The following AKAP6 variants were observed in gnomAD, a reference collection of about 807,000 sequenced individuals.
AKAP6 encodes A-kinase anchor protein 6.
AKAP6 carries 58 observed loss-of-function variants against 188.5 expected under a neutral mutation model. The ratio of observed to expected loss-of-function variants is 0.31; its 90% CI spans 0.25 to 0.38. The LOEUF (loss-of-function observed/expected upper bound fraction) is 0.38. AKAP6 is among the 10% of genes least tolerant of loss of function. The pLI, the probability that AKAP6 is intolerant of heterozygous loss-of-function variation, is 1.00. For synonymous variants in AKAP6, 989 were observed against 998.6 expected (o/e 0.99, Z 0.18); for missense variants, 2,710 against 2,740.0 (o/e 0.99, Z 0.24).
intron 1 of AKAP6, among the ~76,000 whole-genome samples, chr14:32,430,369 T>C (rs978000896): frequency 2.0e-5 from 3 of 152,118 alleles, no homozygotes; most frequent in African/African-American, 7.2e-5. Flanking sequence ...GCTTAGTGCG[T>C]GGACTGATGG....
chr14:32,375,621 C>T (rs576943470), intron 1 of AKAP6, among the ~76,000 whole-genome samples: 5 of 152,126 alleles, frequency 3.3e-5, no homozygotes, highest in Non-Finnish European at 4.4e-5. Context: ...AAGGGAATCA[C>T]CCCAGATGGA....
intron 11 of AKAP6, among the ~76,000 whole-genome samples, chr14:32,747,541 C>T (rs1467923581): frequency 6.6e-6 from 1 of 152,158 alleles, no homozygotes; most frequent in Non-Finnish European, 1.5e-5. Flanking sequence ...TATTCATCAA[C>T]AGTCTTTTAT....
chr14:32,822,551 T>C lies in AKAP6; in HGVS notation c.4738T>C (p.Leu1580=), dbSNP rs752234827. The change falls in exon 13 of 14, where the codon TTG becomes CTG. Residue 1580 remains leucine, a synonymous_variant. Transcript: ENST00000280979. ...TTCTCCAGGGGGTGATTTATTTGGATTGGGCATCTTTAAAAATGGCAGTGA... is the reference window on the plus strand; with the variant it reads ...TTCTCCAGGGGGTGATTTATTTGGACTGGGCATCTTTAAAAATGGCAGTGA... ...SLSPGGDLFG[L]GIFKNGSDSL... is the part of the protein sequence containing the mutation. The C allele has an allele frequency of 6.2e-7, 1 of 1,614,032 alleles. No individual in the cohort carries two copies. Among genetic ancestry groups the C allele is most frequent in the South Asian group, 1.1e-5 (1 of 91,074 alleles).
intron 4 of AKAP6, among the ~76,000 whole-genome samples, chr14:32,571,260 G>T (rs922172939): frequency 1.3e-5 from 2 of 150,938 alleles, no homozygotes; most frequent in Non-Finnish European, 2.9e-5. Context: ...GCAGTGGCTC[G>T]TGCCTGTGAT....
At chr14:32,798,541 C>T (rs2033844128) in intron 12 of AKAP6, among the ~76,000 whole-genome samples, 1 of 152,060 alleles carries the variant, frequency 6.6e-6, no homozygotes, top group South Asian at 2.1e-4. Flanking sequence ...ACTATGCAGC[C>T]ATAAAAAAGA....
Position 32,599,425 on chromosome 14 carries a change from G to A in AKAP6, c.2485G>A (p.Val829Ile), listed in dbSNP as rs770528033. 3 of 1,612,774 alleles carry A rather than the reference G, an allele frequency of 1.9e-6. No homozygotes were observed. The highest frequency in any genetic ancestry group is 4.5e-5 in the East Asian group (2 of 44,850). Residue 829 changes from valine (V) to isoleucine (I), a missense_variant, in exon 6 of 14, where the codon GTA (valine) becomes ATA (isoleucine). Val to Ile is a conservative substitution (Grantham distance 29). Transcript: ENST00000280979. Reference sequence around the variant, plus strand: ...TTCCTTGCAGAGTTTTAAGTTGAATGTAGACAGTCATTGTGCTCTCAAGGA... The same window carrying A: ...TTCCTTGCAGAGTTTTAAGTTGAATATAGACAGTCATTGTGCTCTCAAGGA... ...LETHLSFKLN[V>I]DSHCALKEAV...
chr14:32,388,480 G>A (rs1295039844), intron 1 of AKAP6, among the ~76,000 whole-genome samples: 1 of 151,942 alleles, frequency 6.6e-6, no homozygotes, highest in Non-Finnish European at 1.5e-5. Flanking sequence ...TTTTGATGTA[G>A]GTGTTTAGGG....
At position 32,806,587 on chromosome 14, in the gene AKAP6, G is replaced by A. The variant is rs560610967; in HGVS notation, c.3589-14815G>A. 1.6e-4 allele frequency among the ~76,000 whole-genome samples: 24 copies of A among 152,272 alleles called. No homozygotes were observed. In the South Asian group the frequency reaches 4.6e-3, roughly 29 times the overall value. ...AGCTACTCAGAAGGCTGAGGTGGGA[G>A]GATTGCTTGAGTCTGGGAGGCAGAG... On this transcript the variant is annotated intron_variant, in intron 12 of 13. Coordinates refer to ENST00000280979, the MANE Select transcript of AKAP6 (RefSeq NM_004274.5).
intron 5 of AKAP6, among the ~76,000 whole-genome samples, chr14:32,590,298 C>T (rs780268248): frequency 2.7e-5 from 4 of 149,804 alleles, no homozygotes; most frequent in African/African-American, 9.8e-5. Flanking sequence ...TCTTTGGTGT[C>T]TCCCCCAACT....
In AKAP6 at chr14:32,372,633, C is replaced by T. The variant is rs540826858; in HGVS notation, c.-35+43225C>T. Among the ~76,000 whole-genome samples the T allele has an allele frequency of 1.4e-4, 21 of 150,740 alleles. No homozygotes were observed. The South Asian group carries it at 3.8e-3, about 27-fold the overall frequency. ...CTGGCAAGATTCAGATTTTTGGAAT[C>T]AAGCATTAAATTATTAATTGGCAAG... On this transcript the variant is annotated intron_variant, in intron 1 of 13. Coordinates refer to ENST00000280979, the MANE Select transcript of AKAP6 (RefSeq NM_004274.5).
intron 12 of AKAP6, among the ~76,000 whole-genome samples, chr14:32,787,556 T>C (rs2033460203): frequency 6.6e-6 from 1 of 152,214 alleles, no homozygotes; most frequent in East Asian, 1.9e-4. Flanking sequence ...AATTACTACA[T>C]TTAGAAAATA....
chr14:32,750,619 T>C (rs528100169), intron 11 of AKAP6, among the ~76,000 whole-genome samples: 3 of 151,992 alleles, frequency 2.0e-5, no homozygotes, highest in East Asian at 1.9e-4. Context: ...TAGTCTTAGA[T>C]ACTTAGGAGG....
Position 32,823,496 on chromosome 14 carries a change from G to A in AKAP6, c.5683G>A (p.Glu1895Lys), listed in dbSNP as rs1218920149. The A allele has an allele frequency of 1.2e-6, 2 of 1,613,638 alleles. No individual in the cohort carries two copies. Among genetic ancestry groups the A allele is most frequent in the African/African-American group, 2.7e-5 (2 of 74,904 alleles). ...VNKDPYVADMENGNIEGIPER... is the reference protein window; with the variant it reads ...VNKDPYVADMKNGNIEGIPER... Reference sequence around the variant, plus strand: ...TAAAGATCCATATGTGGCTGACATGGAAAATGGCAATATTGAAGGTATTCC... The same window carrying A: ...TAAAGATCCATATGTGGCTGACATGAAAAATGGCAATATTGAAGGTATTCC... Residue 1895 changes from glutamate (E) to lysine (K), a missense_variant, in exon 13 of 14, where the codon GAA becomes AAA. Around this residue, in one of 2 missense-constraint regions of AKAP6, gnomAD observed 2,473 missense variants for 2,426.1 expected, o/e 1.02. Coordinates refer to ENST00000280979, the MANE Select transcript of AKAP6 (RefSeq NM_004274.5).
At chr14:32,764,815 T>A (rs1360441844) in intron 11 of AKAP6, among the ~76,000 whole-genome samples, 1 of 152,082 alleles carries the variant, frequency 6.6e-6, no homozygotes, top group Non-Finnish European at 1.5e-5. Flanking sequence ...ATACAAAAAA[T>A]GTTGGTCATT....
chr14:32,598,722 G>C (rs189357470), intron 5 of AKAP6, among the ~76,000 whole-genome samples: 11 of 152,212 alleles, frequency 7.2e-5, no homozygotes, highest in Non-Finnish European at 1.5e-4. Flanking sequence ...ATTAGGGAAG[G>C]CACCCTGAAA....
chr14:32,412,713 C>G (rs1331459767), intron 1 of AKAP6, among the ~76,000 whole-genome samples: 1 of 152,172 alleles, frequency 6.6e-6, no homozygotes, highest in Non-Finnish European at 1.5e-5. Flanking sequence ...AATAGTTACA[C>G]TCTTCAAGTC....
intron 2 of AKAP6, among the ~76,000 whole-genome samples, chr14:32,498,926 C>T (rs1251535588): frequency 6.6e-6 from 1 of 152,000 alleles, no homozygotes; most frequent in African/African-American, 2.4e-5. Flanking sequence ...TTGTAATCAG[C>T]ATACCTTCAA....
intron 7 of AKAP6, among the ~76,000 whole-genome samples, chr14:32,611,596 T>C (rs558217146): frequency 2.6e-5 from 4 of 152,134 alleles, no homozygotes; most frequent in African/African-American, 9.7e-5. Flanking sequence ...CAATAGAACT[T>C]TAAGGAAAGC....
chr14:32,372,527 A>G (rs1413868419), intron 1 of AKAP6, among the ~76,000 whole-genome samples: 1 of 151,276 alleles, frequency 6.6e-6, no homozygotes, highest in East Asian at 2.0e-4. Context: ...TTAACAGAGT[A>G]AAGCTTCTTT....
Sources: allele counts gnomAD v4.1 joint callset (sites outside exome capture counted in the v4.1 genomes callset), GRCh38; gene constraint gnomAD v4.1.1; regional missense constraint gnomAD v4.1.1; transcripts MANE v1.5; gene names NCBI Gene and HGNC (gene_info 2026-07-23, HGNC 2026-07-21).